The following TBC1D22A variants were observed in gnomAD, a reference collection of about 807,000 sequenced individuals.
TBC1D22A encodes the protein TBC1 domain family member 22A, also known as putative GTPase activator.
In TBC1D22A, 38 loss-of-function variants were observed where a neutral mutation model predicts 60.2. That is an observed-to-expected ratio of 0.63 (90% CI 0.49 to 0.83). The LOEUF (loss-of-function observed/expected upper bound fraction) is 0.83, where lower values mean the gene tolerates loss of function less well. Ranked by LOEUF, TBC1D22A falls within the 40% of genes least tolerant of loss-of-function variation. TBC1D22A has a pLI of 0.00. For synonymous variants in TBC1D22A, 302 were observed against 281.7 expected, an observed-to-expected ratio of 1.07 and a Z score of -0.72; for missense variants, 628 against 701.0, an observed-to-expected ratio of 0.90 and a Z score of 1.18.
intron 8 of TBC1D22A, among the ~76,000 whole-genome samples, chr22:46,955,883 C>T (rs1318299491): frequency 6.6e-6 from 1 of 152,192 alleles, no homozygotes; most frequent in African/African-American, 2.4e-5. Flanking sequence ...TGTGTGAAGG[C>T]TGAGCACGGG....
At chr22:46,898,409 C>CAA (rs2068797089) in intron 7 of TBC1D22A, among the ~76,000 whole-genome samples, 2 of 152,242 alleles carry the variant, frequency 1.3e-5, no homozygotes, top group East Asian at 1.9e-4. Flanking sequence ...GTCTTTCTCC[C>CAA]GGGATGATTT....
intron 8 of TBC1D22A, chr22:46,913,964 C>A: frequency 5.6e-6 from 1 of 177,478 alleles, no homozygotes; most frequent in Non-Finnish European, 1.1e-5. Flanking sequence ...AGCTCAGAGA[C>A]ACTCTCCTTG....
intron 7 of TBC1D22A, among the ~76,000 whole-genome samples, chr22:46,895,603 C>T (rs934306112): frequency 2.0e-5 from 3 of 152,152 alleles, no homozygotes; most frequent in African/African-American, 7.2e-5. Context: ...AACTCCTGAC[C>T]TCAAGTGATC....
At chr22:46,785,608 C>A (rs539086763) in intron 1 of TBC1D22A, among the ~76,000 whole-genome samples, 3 of 152,336 alleles carry the variant, frequency 2.0e-5, no homozygotes, top group African/African-American at 4.8e-5. Flanking sequence ...CCCTGCCTTC[C>A]TCCCTGTTCT....
chr22:46,835,477 C>T (rs2086478218), intron 4 of TBC1D22A, among the ~76,000 whole-genome samples: 1 of 152,122 alleles, frequency 6.6e-6, no homozygotes, highest in African/African-American at 2.4e-5. Flanking sequence ...AGAGCTTTAA[C>T]AACAGACTCT....
chr22:46,891,210 A>G lies in TBC1D22A; in HGVS notation c.709-56A>G. The G allele has an allele frequency of 1.3e-6, 2 of 1,530,076 alleles. 1 individual carries two copies. The highest frequency in any genetic ancestry group is 1.7e-6 in the Non-Finnish European group (2 of 1,143,574). The allele number at this position is 1,530,076 out of a possible 1,614,324, so 94.8% of individuals were successfully genotyped here. ...GTCTTTTTATTTCACGCTTAATAAT[A>G]GGGACTCCATGAATTAGCTATAACC... On this transcript the variant is annotated intron_variant, in intron 5 of 12. Transcript: ENST00000337137.
chr22:46,955,402 A>G (rs1249602840), intron 8 of TBC1D22A, among the ~76,000 whole-genome samples: 2 of 152,308 alleles, frequency 1.3e-5, no homozygotes, highest in South Asian at 2.1e-4. Context: ...GCAGCTTCAC[A>G]CTGGAAGGAT....
At chr22:46,983,774 A>T (rs2074607225) in intron 9 of TBC1D22A, among the ~76,000 whole-genome samples, 1 of 152,006 alleles carries the variant, frequency 6.6e-6, no homozygotes, top group Non-Finnish European at 1.5e-5. Flanking sequence ...ATTAAAAAAA[A>T]AATAATTTGG....
chr22:47,139,413 C>T (rs963219722), intron 12 of TBC1D22A, among the ~76,000 whole-genome samples: 13 of 152,206 alleles, frequency 8.5e-5, no homozygotes, highest in Non-Finnish European at 1.3e-4. Flanking sequence ...AAACATGAGC[C>T]GTGGAGGGCT....
At chr22:46,791,750 T>C (rs1211276256) in intron 1 of TBC1D22A, among the ~76,000 whole-genome samples, 1 of 152,208 alleles carries the variant, frequency 6.6e-6, no homozygotes, top group Non-Finnish European at 1.5e-5. Context: ...AAGACTTTTA[T>C]AGTAAAACTG....
At chr22:47,140,724 C>G (rs1231464114) in intron 12 of TBC1D22A, among the ~76,000 whole-genome samples, 1 of 152,182 alleles carries the variant, frequency 6.6e-6, no homozygotes, top group African/African-American at 2.4e-5. Context: ...AAAGCCTGGC[C>G]CTGGCGGCTT....
At position 46,986,879 on chromosome 22, in the gene TBC1D22A, C is replaced by T. The variant is rs531566036; in HGVS notation, c.1126-10755C>T. Among the ~76,000 whole-genome samples, 273 of 152,248 alleles carry T rather than the reference C, an allele frequency of 1.8e-3. 1 individual carries two copies. Among genetic ancestry groups the T allele is most frequent in the African/African-American group, 6.2e-3 (258 of 41,552 alleles). ...GGGCATGGTGTGGACGGCTGATTTG[C>T]GCACCATGATGTCTGGAATCTCAGG... On this transcript the variant is annotated intron_variant, in intron 9 of 12. Transcript: ENST00000337137.
chr22:46,869,272 C>A (rs1369002986), intron 4 of TBC1D22A, among the ~76,000 whole-genome samples: 1 of 152,242 alleles, frequency 6.6e-6, no homozygotes, highest in Admixed American at 6.5e-5. Flanking sequence ...TCCCCTTCTT[C>A]AGAGAAGAGA....
intron 10 of TBC1D22A, among the ~76,000 whole-genome samples, chr22:47,035,115 A>G (rs542433043): frequency 2.0e-5 from 3 of 152,314 alleles, no homozygotes; most frequent in South Asian, 2.1e-4. Context: ...CAAAAAGCCA[A>G]CCAACCCCCT....
chr22:46,923,792 A>G (rs1222058979), intron 8 of TBC1D22A, among the ~76,000 whole-genome samples: 4 of 152,228 alleles, frequency 2.6e-5, no homozygotes, highest in African/African-American at 9.6e-5. Context: ...TCCCACATTT[A>G]ACCTTACAAT....
At chr22:46,973,081 G>A (rs373704894) in intron 8 of TBC1D22A, among the ~76,000 whole-genome samples, 3 of 152,292 alleles carry the variant, frequency 2.0e-5, no homozygotes, top group African/African-American at 2.4e-5. Context: ...GTGTCACCTC[G>A]TCTCTTCCAG....
intron 8 of TBC1D22A, among the ~76,000 whole-genome samples, chr22:46,933,651 G>A (rs1328570404): frequency 1.3e-5 from 2 of 152,248 alleles, no homozygotes; most frequent in African/African-American, 4.8e-5. Context: ...CCCTGTGCCA[G>A]GGTGGCACTG....
At chr22:47,049,944 C>T (rs1179420104) in intron 11 of TBC1D22A, among the ~76,000 whole-genome samples, 1 of 152,364 alleles carries the variant, frequency 6.6e-6, no homozygotes, top group East Asian at 1.9e-4. Flanking sequence ...TTGGTGGCCA[C>T]AGCCAAGTGA....
intron 4 of TBC1D22A, among the ~76,000 whole-genome samples, chr22:46,812,010 G>T (rs918063547): frequency 6.6e-6 from 1 of 152,154 alleles, no homozygotes; most frequent in African/African-American, 2.4e-5. Flanking sequence ...GGTCCAGGTG[G>T]TTGCCAAGGT....
Sources: allele counts gnomAD v4.1 joint callset (sites outside exome capture counted in the v4.1 genomes callset), GRCh38; gene constraint gnomAD v4.1.1; transcripts MANE v1.5; gene names NCBI Gene and HGNC (gene_info 2026-07-23, HGNC 2026-07-21).